ROBO2: variants seen among roughly 807,000 people sequenced by gnomAD.
ROBO2 encodes the protein roundabout homolog 2.
In ROBO2, 53 loss-of-function variants were observed where a neutral mutation model predicts 160.8. The observed-to-expected ratio is 0.33, with a 90% CI of 0.26 to 0.41. The LOEUF is 0.41. Ranked by LOEUF, ROBO2 falls within the 10% of genes least tolerant of loss-of-function variation. ROBO2 has a pLI of 1.00. For missense variants in ROBO2, 1,577 were observed against 1,722.4 expected (o/e 0.92, Z 1.49); for synonymous variants, 664 against 611.7 (o/e 1.09, Z -1.26).
At chr3:76,683,618 A>G (rs2092620135) in intron 2 of ROBO2, among the ~76,000 whole-genome samples, 1 of 152,132 alleles carries the variant, frequency 6.6e-6, no homozygotes. Context: ...AATCTCATGT[A>G]ACTAGGATTT....
intron 2 of ROBO2, among the ~76,000 whole-genome samples, chr3:76,721,603 T>C (rs1244380468): frequency 6.6e-6 from 1 of 152,232 alleles, no homozygotes; most frequent in African/African-American, 2.4e-5. Flanking sequence ...CAAAGCTCGA[T>C]TCTGGATCAT....
intron 2 of ROBO2, among the ~76,000 whole-genome samples, chr3:76,600,619 T>G (rs926910162): frequency 2.6e-5 from 4 of 152,124 alleles, no homozygotes; most frequent in African/African-American, 9.7e-5. Flanking sequence ...TTCACTATCA[T>G]GAGAACAGTG....
At chr3:77,338,890 A>G (rs2066767109) in intron 2 of ROBO2, among the ~76,000 whole-genome samples, 1 of 152,122 alleles carries the variant, frequency 6.6e-6, no homozygotes, top group Non-Finnish European at 1.5e-5. Flanking sequence ...TAGTAACGCC[A>G]GTGTATTGAT....
chr3:76,348,956 G>A (rs555242718), intron 2 of ROBO2, among the ~76,000 whole-genome samples: 103 of 152,198 alleles, frequency 6.8e-4, no homozygotes, highest in South Asian at 2.3e-3. Context: ...CTTAAGTCAC[G>A]GTTGTGTATT....
At chr3:76,023,533 C>A in intron 2 of ROBO2, among the ~76,000 whole-genome samples, 1 of 151,474 alleles carries the variant, frequency 6.6e-6, no homozygotes, top group East Asian at 1.9e-4. Flanking sequence ...CAGTTAGTTG[C>A]TAAAGAACTG....
chr3:77,394,106 C>T lies in ROBO2; in HGVS notation c.389-83308C>T, dbSNP rs879298571. On this transcript the variant is annotated intron_variant, in intron 2 of 25. Transcript: ENST00000461745. ...CACCATAACAGTCTTTCAAAAGCAA[C>T]GGTGATTATAGTAACTTCAAAGCGG... is the stretch of plus-strand genomic sequence containing the variant. 7.2e-5 allele frequency among the ~76,000 whole-genome samples: 11 copies of T among 152,064 alleles called. No homozygotes were observed. The South Asian group carries it at 8.3e-4, about 11-fold the overall frequency.
At chr3:76,213,137 A>G (rs565282813) in intron 2 of ROBO2, among the ~76,000 whole-genome samples, 5 of 152,246 alleles carry the variant, frequency 3.3e-5, no homozygotes, top group African/African-American at 7.2e-5. Flanking sequence ...TAGAATTTCA[A>G]TGATACATAA....
chr3:77,312,610 G>A (rs1439652889), intron 2 of ROBO2, among the ~76,000 whole-genome samples: 1 of 152,202 alleles, frequency 6.6e-6, no homozygotes, highest in African/African-American at 2.4e-5. Context: ...AGTGTGACTA[G>A]ACAAGTCAGA....
At chr3:77,086,174 T>G (rs1187293408) in intron 1 of ROBO2, among the ~76,000 whole-genome samples, 2 of 152,048 alleles carry the variant, frequency 1.3e-5, no homozygotes, top group Non-Finnish European at 2.9e-5. Flanking sequence ...GGTTCATTGT[T>G]TTTAGGGGGG....
intron 2 of ROBO2, among the ~76,000 whole-genome samples, chr3:76,364,920 C>G (rs1329731953): frequency 2.0e-5 from 3 of 152,098 alleles, no homozygotes; most frequent in Non-Finnish European, 4.4e-5. Context: ...TAAAGACTCT[C>G]TACCTGTTTT....
chr3:76,753,896 A>C (rs2108275938), intron 2 of ROBO2, among the ~76,000 whole-genome samples: 1 of 151,956 alleles, frequency 6.6e-6, no homozygotes, highest in South Asian at 2.1e-4. Context: ...TTTATGGCAA[A>C]ACTATTGCCC....
intron 2 of ROBO2, among the ~76,000 whole-genome samples, chr3:76,974,078 G>C (rs534445060): frequency 6.6e-6 from 1 of 152,156 alleles, no homozygotes; most frequent in Non-Finnish European, 1.5e-5. Context: ...TTCTAGAAGA[G>C]TCTTGCAAAC....
intron 2 of ROBO2, among the ~76,000 whole-genome samples, chr3:76,458,356 G>A (rs950076047): frequency 6.6e-6 from 1 of 151,584 alleles, no homozygotes; most frequent in Admixed American, 6.6e-5. Context: ...AACATAACAA[G>A]AGTCACCTTT....
intron 2 of ROBO2, among the ~76,000 whole-genome samples, chr3:77,462,772 TTC>T (rs1327100559): frequency 1.3e-5 from 2 of 152,192 alleles, no homozygotes; most frequent in Non-Finnish European, 2.9e-5. Flanking sequence ...TATTTTTTTT[TTC>T]CTGCAAGTGC....
At position 77,188,979 on chromosome 3, in the gene ROBO2, G is replaced by GAA. The variant is rs1249532537; in HGVS notation, c.388+90640_388+90641insAA. 1.9e-4 allele frequency among the ~76,000 whole-genome samples: 29 copies of GAA among 150,956 alleles called. 1 individual carries two copies. The highest frequency in any genetic ancestry group is 6.3e-4 in the African/African-American group (26 of 41,362). On this transcript the variant is annotated intron_variant, in intron 2 of 25. Coordinates refer to ENST00000461745, the Ensembl canonical transcript of ROBO2. ...TGTGTGTGTGTGTGTGAGAGAGAGA[G>GAA]AGAGAGAGAGAGAGAAAGAGAGAGA...
In ROBO2 at chr3:76,691,453, C is replaced by T. The variant is rs148154164; in HGVS notation, c.110-406561C>T. On this transcript the variant is annotated intron_variant, in intron 2 of 26. Coordinates refer to the ROBO2 transcript ENST00000487694. ...TTAATAATGAACTATACATTGGAAACGGATCAAAAATAGGTGGAAGCTAAA... is the reference window on the plus strand; with the variant it reads ...TTAATAATGAACTATACATTGGAAATGGATCAAAAATAGGTGGAAGCTAAA... Among the ~76,000 whole-genome samples the T allele has an allele frequency of 9.4e-4, 141 of 150,150 alleles. 1 individual carries two copies. The highest frequency in any genetic ancestry group is 1.4e-3 in the Non-Finnish European group (92 of 67,698).
rs144810969 is a variant in ROBO2 at position 76,131,774 on chromosome 3, T to A, written c.109+194172T>A. On this transcript the variant is annotated intron_variant, in intron 2 of 26. Coordinates refer to the ROBO2 transcript ENST00000487694. The stretch of plus-strand genomic sequence containing the variant: ...AACAAGTGAGCATTTAGCATTCTTC[T>A]GAGCATGATTGGAGTAAGATCATAT... Among the ~76,000 whole-genome samples, 743 of 152,288 alleles carry A rather than the reference T, an allele frequency of 4.9e-3. 3 individuals are homozygous for A. The highest frequency in any genetic ancestry group is 8.3e-3 in the Non-Finnish European group (563 of 68,034).
chr3:76,447,240 C>G (rs1406790528), intron 2 of ROBO2, among the ~76,000 whole-genome samples: 1 of 152,166 alleles, frequency 6.6e-6, no homozygotes, highest in Non-Finnish European at 1.5e-5. Context: ...AGGATATGAA[C>G]AGACACTTCT....
chr3:76,140,614 C>A (rs2071597189), intron 2 of ROBO2, among the ~76,000 whole-genome samples: 1 of 151,794 alleles, frequency 6.6e-6, no homozygotes, highest in African/African-American at 2.4e-5. Flanking sequence ...ATTACCTGTG[C>A]CTTTTTTCAG....
Sources: allele counts gnomAD v4.1 joint callset (sites outside exome capture counted in the v4.1 genomes callset), GRCh38; gene constraint gnomAD v4.1.1; transcripts MANE v1.5; gene names NCBI Gene and HGNC (gene_info 2026-07-23, HGNC 2026-07-21).